The following TMEM39B variants were observed in gnomAD, a reference collection of about 807,000 sequenced individuals.
The protein encoded by TMEM39B is transmembrane protein 39B.
A neutral mutation model predicts 52.2 loss-of-function variants in TMEM39B; 23 were observed. That is an observed-to-expected ratio of 0.44 (90% CI 0.32 to 0.62). The LOEUF (loss-of-function observed/expected upper bound fraction) is 0.62, where lower values mean the gene tolerates loss of function less well. Ranked by LOEUF, TMEM39B falls within the 20% of genes least tolerant of loss-of-function variation. The pLI is 0.06. For missense variants in TMEM39B, 547 were observed against 642.0 expected, an observed-to-expected ratio of 0.85 and a Z score of 1.60; for synonymous variants, 285 against 264.0, an observed-to-expected ratio of 1.08 and a Z score of -0.77.
chr1:32,091,642 C>T (rs1640606532), intron 5 of TMEM39B, 33 bp from the exon 6 acceptor site: 2 of 1,554,524 alleles, frequency 1.3e-6, no homozygotes, highest in Non-Finnish European at 1.7e-6. Flanking sequence ...GGCCCATGGG[C>T]AGGCCTTCCC....
rs549376402 is a variant in TMEM39B, at chr1:32,095,540, C to A, written c.1115+569C>A. On this transcript the variant is annotated intron_variant, in intron 7 of 8. Coordinates refer to ENST00000336294, the MANE Select transcript of TMEM39B (RefSeq NM_018056.4). ...GGAAGGATGAGATGGGCAAAAGAGA[C>A]CTAGCTGCAAGAAGGCACTGCACCC... is the stretch of plus-strand genomic sequence containing the variant. The A allele has an allele frequency of 3.2e-5, 5 of 155,200 alleles. No individual in the cohort carries two copies. The South Asian group carries it at 9.9e-4, about 31-fold the overall frequency. 9.6% of individuals were successfully genotyped at this position (155,200 alleles called of 1,614,324 possible).
At chr1:32,083,695 T>TA (rs1444145777) in intron 5 of TMEM39B, among the ~76,000 whole-genome samples, 1 of 152,106 alleles carries the variant, frequency 6.6e-6, no homozygotes, top group African/African-American at 2.4e-5. Context: ...GTGCTGGGAT[T>TA]ACAGGTGTGA....
Position 32,072,972 on chromosome 1 carries a change from C to T in TMEM39B, c.-76C>T, listed in dbSNP as rs984450817. 3.3e-6 allele frequency: 5 copies of T among 1,525,366 alleles called. No homozygotes were observed. Among genetic ancestry groups the T allele is most frequent in the African/African-American group, 1.4e-5 (1 of 70,942 alleles). The allele number at this position is 1,525,366 out of a possible 1,614,324, so 94.5% of individuals were successfully genotyped here. On this transcript the variant is annotated 5_prime_UTR_variant, in exon 1 of 9. Coordinates refer to ENST00000336294, the MANE Select transcript of TMEM39B (RefSeq NM_018056.4). The stretch of plus-strand genomic sequence containing the variant: ...GGACTGGGCTGCGGCGGTTAGTCCT[C>T]TCCCGGCCGCCGTCGCCTCCGACAT...
chr1:32,073,419 T>A, intron 1 of TMEM39B: 11 of 460,842 alleles, frequency 2.4e-5, no homozygotes, highest in Middle Eastern at 9.2e-4. Flanking sequence ...TTGGAGGGGT[T>A]ACACTGGGGG....
At chr1:32,102,105 T>G (rs976100683) in intron 8 of TMEM39B, among the ~76,000 whole-genome samples, 2 of 152,104 alleles carry the variant, frequency 1.3e-5, no homozygotes, top group Admixed American at 1.3e-4. Context: ...TAAAAAAAAT[T>G]TTTTTAAAGG....
At position 32,073,638 on chromosome 1, in the gene TMEM39B, G is replaced by A. The variant is rs1639734499; in HGVS notation, c.4+587G>A. Reference sequence around the variant, plus strand: ...AGAGCTTCTGGACTGGACTAAGGGTGTTTGTGTGGGATTTTCTAAGCCAAG... The same window carrying A: ...AGAGCTTCTGGACTGGACTAAGGGTATTTGTGTGGGATTTTCTAAGCCAAG... On this transcript the variant is annotated intron_variant, in intron 1 of 8. Transcript: ENST00000336294. 4.1e-6 allele frequency: 4 copies of A among 986,090 alleles called. No homozygotes were observed. The South Asian group carries it at 1.4e-4, about 34-fold the overall frequency. 61.1% of individuals were successfully genotyped at this position (986,090 alleles called of 1,614,324 possible). A position where few individuals can be genotyped will look rare whatever the true frequency, so the allele number is the denominator to read the frequency against.
At chr1:32,097,009 T>G (rs1042092959) in intron 7 of TMEM39B, among the ~76,000 whole-genome samples, 1 of 152,100 alleles carries the variant, frequency 6.6e-6, no homozygotes, top group South Asian at 2.1e-4. Flanking sequence ...TTTGCCATGT[T>G]GCCCAGGCTG....
chr1:32,098,221 G>A (rs1640887155), intron 7 of TMEM39B, among the ~76,000 whole-genome samples: 2 of 151,352 alleles, frequency 1.3e-5, no homozygotes, highest in African/African-American at 2.4e-5. Flanking sequence ...GGCTGGTCTC[G>A]AACTCCTGAC....
chr1:32,100,885 G>C (rs1640996674), intron 8 of TMEM39B, among the ~76,000 whole-genome samples: 1 of 152,136 alleles, frequency 6.6e-6, no homozygotes, highest in African/African-American at 2.4e-5. Flanking sequence ...ACAAAAATTA[G>C]CCAGGTATGG....
chr1:32,098,392 T>C (rs936428205), intron 7 of TMEM39B, among the ~76,000 whole-genome samples: 10 of 152,266 alleles, frequency 6.6e-5, no homozygotes, highest in South Asian at 6.2e-4. Flanking sequence ...TGCAGTCCTC[T>C]GGTCCAGGCC....
chr1:32,090,571 C>T (rs1445336961), intron 5 of TMEM39B, among the ~76,000 whole-genome samples: 1 of 152,176 alleles, frequency 6.6e-6, no homozygotes, highest in Non-Finnish European at 1.5e-5. Flanking sequence ...CTACCTCAGC[C>T]TGAGTAGCTG....
At position 32,086,471 on chromosome 1, in the gene TMEM39B, C is replaced by A. The variant is rs1038253710; in HGVS notation, c.591-5204C>A. Among the ~76,000 whole-genome samples the A allele has an allele frequency of 1.1e-4, 17 of 152,194 alleles. No individual in the cohort carries two copies. The East Asian group carries it at 1.7e-3, about 16-fold the overall frequency. ...CGATTCTGAACCCTTAGTACACACA[C>A]AAAAAAGAAAGTAGGCTGGGCATGG... On this transcript the variant is annotated intron_variant, in intron 5 of 8. Coordinates refer to ENST00000336294, the MANE Select transcript of TMEM39B (RefSeq NM_018056.4).
rs2124479579 is a variant in TMEM39B at position 32,091,752 on chromosome 1, T to G, written c.668T>G (p.Met223Arg). 1 of 1,614,176 alleles carries G rather than the reference T, an allele frequency of 6.2e-7. No homozygotes were observed. The highest frequency in any genetic ancestry group is 1.1e-5 in the South Asian group (1 of 91,082). Residue 223 changes from methionine to arginine, a missense_variant, in exon 6 of 9, where the codon ATG becomes AGG. By Grantham distance (91) the Met-to-Arg change is moderately conservative. Transcript: ENST00000336294. ...AGCCTCTTCAACCACATGGCCTCCATGGGGCCCCGGGAGGCGGTCAGTGGC... is the reference window on the plus strand; with the variant it reads ...AGCCTCTTCAACCACATGGCCTCCAGGGGGCCCCGGGAGGCGGTCAGTGGC... ...KTSLFNHMAS[M>R]GPREAVSGLA...
intron 7 of TMEM39B, among the ~76,000 whole-genome samples, chr1:32,099,456 T>TA (rs775792264): frequency 2.0e-5 from 3 of 152,074 alleles, no homozygotes; most frequent in East Asian, 1.9e-4. Context: ...CCCTAGAACT[T>TA]AAAGTTTTTT....
chr1:32,094,139 T>G (rs1220181477), intron 6 of TMEM39B, among the ~76,000 whole-genome samples: 1 of 118,756 alleles, frequency 8.4e-6, no homozygotes, highest in Admixed American at 8.9e-5. Context: ...TTTTTTTTTT[T>G]TTTTTGAGGC....
chr1:32,097,612 C>A (rs760810183), intron 7 of TMEM39B, among the ~76,000 whole-genome samples: 2 of 151,886 alleles, frequency 1.3e-5, no homozygotes, highest in African/African-American at 4.8e-5. Context: ...GGATTATAGG[C>A]GTGAGCTGTT....
At chr1:32,087,391 A>G (rs1362000396) in intron 5 of TMEM39B, 1 of 150,896 alleles carries the variant, frequency 6.6e-6, no homozygotes, top group African/African-American at 2.4e-5. Context: ...TGGGAGGCCA[A>G]AGCGAGCGGA....
At chr1:32,080,370 A>G (rs1640042551) in intron 5 of TMEM39B, among the ~76,000 whole-genome samples, 3 of 152,034 alleles carry the variant, frequency 2.0e-5, no homozygotes. Context: ...ACTGGTTAGA[A>G]CTTAAGAGTT....
chr1:32,075,371 G>A (rs1010427636), intron 2 of TMEM39B, among the ~76,000 whole-genome samples: 6 of 152,156 alleles, frequency 3.9e-5, no homozygotes, highest in Admixed American at 2.0e-4. Context: ...TTCCTCATCT[G>A]TAAGATGGAC....
Sources: allele counts gnomAD v4.1 joint callset (sites outside exome capture counted in the v4.1 genomes callset), GRCh38; gene constraint gnomAD v4.1.1; transcripts MANE v1.5; gene names NCBI Gene and HGNC (gene_info 2026-07-23, HGNC 2026-07-21).